The following DNAH14 variants were observed in gnomAD, a reference collection of about 807,000 sequenced individuals.
DNAH14 encodes dynein axonemal heavy chain 14.
A neutral mutation model predicts 520.9 loss-of-function variants in DNAH14; 478 were observed. That is an observed-to-expected ratio of 0.92 (90% confidence interval 0.85 to 0.99). The LOEUF (loss-of-function observed/expected upper bound fraction) is 0.99. Among genes scored for constraint, DNAH14 ranks in the 50% least tolerant of loss-of-function variants. The probability of loss-of-function intolerance (pLI) is 0.00; values close to 1 mark genes in which losing one functional copy is unlikely to be tolerated. For synonymous variants in DNAH14, 1,581 were observed against 1,757.2 expected (o/e 0.90, Z 2.51); for missense variants, 4,831 against 5,234.5 (o/e 0.92, Z 2.38).
Position 225,333,433 on chromosome 1 carries a change from C to T in DNAH14, c.10007C>T (p.Thr3336Ile), listed in dbSNP as rs563381872. 2 of 1,551,396 alleles carry T rather than the reference C, an allele frequency of 1.3e-6. No homozygotes were observed. The highest frequency in any genetic ancestry group is 1.2e-5 in the South Asian group (1 of 84,050). Residue 3336 changes from threonine to isoleucine, a missense_variant, in exon 66 of 86, where the codon ACA (threonine) becomes ATA (isoleucine). Physicochemically the swap from Thr to Ile is moderately conservative, Grantham distance 89. Coordinates refer to ENST00000682510, the MANE Select transcript of DNAH14 (RefSeq NM_001367479.1). ...FRQLIVNKWE[T>I]FCIENGISLS... ...CAGTTGATTGTGAATAAATGGGAGACATTCTGCATTGAAAATGGCATTTCT... is the reference window on the plus strand; with the variant it reads ...CAGTTGATTGTGAATAAATGGGAGATATTCTGCATTGAAAATGGCATTTCT...
intron 42 of DNAH14, 29 bp from the exon 43 acceptor site, chr1:225,240,564 C>A: frequency 1.5e-6 from 2 of 1,330,744 alleles, no homozygotes; most frequent in Non-Finnish European, 2.1e-6. Context: ...AAATGTTAAC[C>A]TTCATCCTTC....
At chr1:225,361,188 T>A (rs897421694) in intron 75 of DNAH14, among the ~76,000 whole-genome samples, 1 of 152,234 alleles carries the variant, frequency 6.6e-6, no homozygotes, top group Non-Finnish European at 1.5e-5. Context: ...TACACACACA[T>A]TATATGCACT....
chr1:224,963,843 A>C (rs565890956), intron 4 of DNAH14, among the ~76,000 whole-genome samples: 1 of 152,260 alleles, frequency 6.6e-6, no homozygotes, highest in Admixed American at 6.6e-5. Context: ...TTTCATCCTT[A>C]GCAAAGAAGT....
intron 41 of DNAH14, among the ~76,000 whole-genome samples, chr1:225,227,679 C>G (rs767222355): frequency 6.6e-6 from 1 of 152,060 alleles, no homozygotes; most frequent in Non-Finnish European, 1.5e-5. Flanking sequence ...TGATTTGGGC[C>G]AATGGGGAGA....
At position 225,307,357 on chromosome 1, in the gene DNAH14, T is replaced by A. The variant is rs1321860951; in HGVS notation, c.9006-104T>A. 52 of 786,696 alleles carry A rather than the reference T, an allele frequency of 6.6e-5. 1 individual carries two copies. Among genetic ancestry groups the A allele is most frequent in the Non-Finnish European group, 6.7e-5 (33 of 495,330 alleles). 48.7% of individuals were successfully genotyped at this position (786,696 alleles called of 1,614,324 possible). On this transcript the variant is annotated intron_variant, in intron 58 of 85. Transcript: ENST00000682510. ...CCAGTCTTGCATCTCTAGAATAAAA[T>A]CCATTTGGCCATAATTTGGTGTAAT...
At chr1:225,109,945 T>C (rs1199201428) in intron 23 of DNAH14, among the ~76,000 whole-genome samples, 2 of 152,196 alleles carry the variant, frequency 1.3e-5, no homozygotes, top group Non-Finnish European at 2.9e-5. Flanking sequence ...AATGATCATA[T>C]GGTTTTTGTT....
intron 17 of DNAH14, among the ~76,000 whole-genome samples, chr1:225,076,474 T>C (rs1027253843): frequency 7.9e-5 from 12 of 152,212 alleles, no homozygotes; most frequent in African/African-American, 2.9e-4. Flanking sequence ...AAGGTACTTT[T>C]GTACATGGAT....
intron 66 of DNAH14, among the ~76,000 whole-genome samples, chr1:225,336,117 A>T (rs1465913480): frequency 6.7e-6 from 1 of 149,486 alleles, no homozygotes; most frequent in Non-Finnish European, 1.5e-5. Context: ...ATAAGACTAC[A>T]CATATGTATG....
chr1:225,394,422 T>C (rs956532442), intron 84 of DNAH14, among the ~76,000 whole-genome samples: 2 of 152,238 alleles, frequency 1.3e-5, no homozygotes, highest in African/African-American at 4.8e-5. Flanking sequence ...CCATCTTTTA[T>C]TTAGGGTTAA....
At chr1:225,026,989 G>GT in intron 11 of DNAH14, among the ~76,000 whole-genome samples, 1 of 151,622 alleles carries the variant, frequency 6.6e-6, no homozygotes, top group East Asian at 1.9e-4. Flanking sequence ...AAAATTTTTT[G>GT]TAAGTATTTT....
At chr1:225,372,062 T>C (rs1488605493) in intron 77 of DNAH14, among the ~76,000 whole-genome samples, 1 of 152,174 alleles carries the variant, frequency 6.6e-6, no homozygotes, top group African/African-American at 2.4e-5. Flanking sequence ...ACATAGGTAA[T>C]AAGTGGAGGT....
At chr1:225,358,108 G>A (rs2150526207) in intron 73 of DNAH14, among the ~76,000 whole-genome samples, 1 of 152,236 alleles carries the variant, frequency 6.6e-6, no homozygotes, top group South Asian at 2.1e-4. Flanking sequence ...GTGTCATCCT[G>A]TATTTTCATC....
chr1:225,182,149 G>A (rs947862864), intron 36 of DNAH14, among the ~76,000 whole-genome samples: 5 of 152,208 alleles, frequency 3.3e-5, no homozygotes, highest in Admixed American at 3.3e-4. Flanking sequence ...GGTGAACCCA[G>A]ATCGCATCAT....
rs2084534339 is a variant in DNAH14, at chr1:225,185,109, GT to G, written c.5536-181del. Among the ~76,000 whole-genome samples, 5 of 149,820 alleles carry G rather than the reference GT, an allele frequency of 3.3e-5. No individual in the cohort carries two copies. In the South Asian group the frequency reaches 1.1e-3, roughly 32 times the overall value. On this transcript the variant is annotated intron_variant, in intron 36 of 85. Coordinates refer to ENST00000682510, the MANE Select transcript of DNAH14 (RefSeq NM_001367479.1). ...CAAAGTTTCAGGACACAAAATCAAT[GT>G]AAAAAAAAAAAATCAGTAGCATTTC...
intron 80 of DNAH14, among the ~76,000 whole-genome samples, chr1:225,380,940 G>A (rs562396634): frequency 1.3e-4 from 20 of 152,230 alleles, no homozygotes; most frequent in South Asian, 1.2e-3. Context: ...ATTAGGGCTC[G>A]CAGGCCAAAT....
At chr1:224,948,015 T>G (rs1412343183) in intron 1 of DNAH14, among the ~76,000 whole-genome samples, 1 of 152,052 alleles carries the variant, frequency 6.6e-6, no homozygotes, top group Non-Finnish European at 1.5e-5. Flanking sequence ...TTCTTGAGTT[T>G]TATATAATAT....
intron 48 of DNAH14, 36 bp downstream of exon 48, chr1:225,265,405 T>C (rs1265190433): frequency 6.8e-7 from 1 of 1,460,694 alleles, no homozygotes; most frequent in Non-Finnish European, 9.0e-7. Context: ...ATAATCTGCT[T>C]AGGCTAGTCA....
At chr1:225,060,633 A>G (rs1317330893) in intron 17 of DNAH14, among the ~76,000 whole-genome samples, 8 of 147,896 alleles carry the variant, frequency 5.4e-5, no homozygotes, top group African/African-American at 1.7e-4. Flanking sequence ...TTTTTTCCCT[A>G]TCTTTGTGGT....
intron 41 of DNAH14, among the ~76,000 whole-genome samples, chr1:225,227,864 A>C (rs551918061): frequency 6.6e-6 from 1 of 152,172 alleles, no homozygotes; most frequent in African/African-American, 2.4e-5. Context: ...TGCACTACCC[A>C]TCCATATGTT....
Sources: gnomAD v4.1 joint callset for allele counts (sites outside exome capture counted in the v4.1 genomes callset) on GRCh38, gnomAD v4.1.1 for gene constraint, MANE v1.5 for transcripts, NCBI Gene and HGNC (gene_info 2026-07-23, HGNC 2026-07-21) for gene names.